NCAM2: variants seen among roughly 807,000 people sequenced by gnomAD.
NCAM2 encodes N-CAM-2.
NCAM2 carries 30 observed loss-of-function variants against 98.1 expected under a neutral mutation model. The observed-to-expected ratio is 0.31, with a 90% confidence interval of 0.23 to 0.41. The LOEUF is 0.41. NCAM2 is among the 10% of genes least tolerant of loss of function. The pLI is 1.00. For synonymous variants in NCAM2, 368 were observed against 342.4 expected, an observed-to-expected ratio of 1.07 and a Z score of -0.83; for missense variants, 867 against 1,005.8, an observed-to-expected ratio of 0.86 and a Z score of 1.87.
intron 1 of NCAM2, among the ~76,000 whole-genome samples, chr21:21,038,368 A>G (rs747875225): frequency 1.3e-5 from 2 of 152,162 alleles, no homozygotes; most frequent in African/African-American, 4.8e-5. Flanking sequence ...CTGGCTTTCT[A>G]CTGTCACTCT....
At chr21:21,455,385 C>G (rs1221876539) in intron 12 of NCAM2, among the ~76,000 whole-genome samples, 1 of 151,632 alleles carries the variant, frequency 6.6e-6, no homozygotes, top group Non-Finnish European at 1.5e-5. Context: ...TTTTTGAGCT[C>G]TAAAATGCAA....
intron 16 of NCAM2, among the ~76,000 whole-genome samples, chr21:21,528,677 A>G (rs1354089942): frequency 1.3e-5 from 2 of 152,208 alleles, no homozygotes; most frequent in African/African-American, 4.8e-5. Context: ...TAAAAGAAAA[A>G]GAAAAACATT....
chr21:21,487,338 C>A (rs1475492681), intron 15 of NCAM2, among the ~76,000 whole-genome samples: 1 of 151,970 alleles, frequency 6.6e-6, no homozygotes, highest in African/African-American at 2.4e-5. Flanking sequence ...TACTGGTAAG[C>A]AAGACATAAA....
intron 11 of NCAM2, among the ~76,000 whole-genome samples, chr21:21,430,716 T>TG: frequency 6.6e-6 from 1 of 152,124 alleles, no homozygotes; most frequent in African/African-American, 2.4e-5. Flanking sequence ...TACCTCCACT[T>TG]GGTTCCACCC....
Position 21,284,401 on chromosome 21 carries a change from G to A in NCAM2, c.337+1G>A. ...GCTACAGTAGTTTTGGAAATTTACC[G>A]TAAGTAATGTATTTATATGTTTTAG... On this transcript the variant is annotated splice_donor_variant, in intron 3 of 17. Transcript: ENST00000400546. LOFTEE classifies it high-confidence loss of function. 2 of 1,597,030 alleles carry A rather than the reference G, an allele frequency of 1.3e-6. No homozygotes were observed. Among genetic ancestry groups the A allele is most frequent in the Non-Finnish European group, 1.7e-6 (2 of 1,165,958 alleles).
At chr21:21,446,343 T>C (rs1980134771) in intron 12 of NCAM2, among the ~76,000 whole-genome samples, 1 of 152,108 alleles carries the variant, frequency 6.6e-6, no homozygotes, top group Non-Finnish European at 1.5e-5. Flanking sequence ...CTTAGTAGTG[T>C]TCTCTGTATT....
At chr21:21,175,677 A>C (rs982908046) in intron 1 of NCAM2, among the ~76,000 whole-genome samples, 1 of 152,238 alleles carries the variant, frequency 6.6e-6, no homozygotes, top group Admixed American at 6.5e-5. Context: ...TCTGATAGAA[A>C]ATGAGAATGA....
intron 1 of NCAM2, among the ~76,000 whole-genome samples, chr21:21,174,438 A>G: frequency 6.6e-6 from 1 of 152,224 alleles, no homozygotes; most frequent in East Asian, 1.9e-4. Context: ...TCTGAAAAAC[A>G]AATTGAACTG....
chr21:21,237,987 G>A (rs1484750874), intron 1 of NCAM2, among the ~76,000 whole-genome samples: 5 of 119,882 alleles, frequency 4.2e-5, no homozygotes, highest in East Asian at 2.6e-4. Flanking sequence ...ACGGAGTCTC[G>A]CTCTGTCGCC....
intron 5 of NCAM2, among the ~76,000 whole-genome samples, chr21:21,301,442 A>G (rs2073710651): frequency 6.9e-6 from 1 of 144,898 alleles, no homozygotes; most frequent in Non-Finnish European, 1.5e-5. Flanking sequence ...TGTGCAGGTT[A>G]GTTACATATG....
intron 1 of NCAM2, among the ~76,000 whole-genome samples, chr21:21,275,394 CAT>C (rs1568871164): frequency 1.1e-4 from 16 of 151,602 alleles, no homozygotes; most frequent in African/African-American, 3.9e-4. Flanking sequence ...GAGCTGAGAT[CAT>C]GCCACTGCAC....
intron 1 of NCAM2, among the ~76,000 whole-genome samples, chr21:21,049,311 G>A (rs1018894553): frequency 1.3e-5 from 2 of 152,002 alleles, no homozygotes; most frequent in African/African-American, 4.8e-5. Flanking sequence ...TAATTTATAT[G>A]CTGATACAAT....
At chr21:21,096,299 T>C (rs2066121620) in intron 1 of NCAM2, among the ~76,000 whole-genome samples, 1 of 151,690 alleles carries the variant, frequency 6.6e-6, no homozygotes, top group African/African-American at 2.4e-5. Flanking sequence ...TTTCACTAGA[T>C]ATTAACGATC....
intron 1 of NCAM2, among the ~76,000 whole-genome samples, chr21:21,132,927 C>A (rs757469150): frequency 1.5e-4 from 23 of 152,154 alleles, no homozygotes; most frequent in African/African-American, 2.2e-4. Context: ...TTTCTATCTT[C>A]TGAGAATCAT....
At chr21:21,298,622 G>GATAT (rs989074551) in intron 5 of NCAM2, among the ~76,000 whole-genome samples, 2 of 113,480 alleles carry the variant, frequency 1.8e-5, no homozygotes, top group African/African-American at 5.6e-5. Context: ...TAGATAGATA[G>GATAT]ATAGATAGAT....
At chr21:21,266,401 A>T (rs943743058) in intron 1 of NCAM2, among the ~76,000 whole-genome samples, 3 of 152,152 alleles carry the variant, frequency 2.0e-5, no homozygotes, top group African/African-American at 7.2e-5. Context: ...TTGCATTCTA[A>T]TTAGAGATAT....
intron 4 of NCAM2, among the ~76,000 whole-genome samples, chr21:21,287,339 T>A (rs1259193903): frequency 6.6e-6 from 1 of 152,020 alleles, no homozygotes; most frequent in Admixed American, 6.6e-5. Flanking sequence ...ATAATCATGT[T>A]CAATAGTCAC....
At chr21:21,344,328 A>G (rs538955646) in intron 8 of NCAM2, among the ~76,000 whole-genome samples, 2 of 152,242 alleles carry the variant, frequency 1.3e-5, no homozygotes, top group Admixed American at 1.3e-4. Context: ...TAAAGCATGA[A>G]GTGGGGTCGT....
intron 1 of NCAM2, among the ~76,000 whole-genome samples, chr21:21,159,588 G>A (rs1329036109): frequency 4.6e-5 from 7 of 152,032 alleles, no homozygotes; most frequent in African/African-American, 1.2e-4. Context: ...CATGCTATAC[G>A]TGTTTATAGC....
Sources: gnomAD v4.1 joint callset for allele counts (sites outside exome capture counted in the v4.1 genomes callset) on GRCh38, gnomAD v4.1.1 for gene constraint, MANE v1.5 for transcripts, NCBI Gene and HGNC (gene_info 2026-07-23, HGNC 2026-07-21) for gene names.